Variants in ANKS1B observed in about 807,000 individuals in gnomAD.
The protein encoded by ANKS1B is ankyrin repeat and sterile alpha motif domain-containing protein 1B.
A neutral mutation model predicts 148.3 loss-of-function variants in ANKS1B; 36 were observed. That is an observed-to-expected ratio of 0.24 (90% CI 0.19 to 0.32). ANKS1B has a LOEUF of 0.32. Among genes scored for constraint, ANKS1B ranks in the 10% least tolerant of loss-of-function variants. ANKS1B has a pLI of 1.00. For synonymous variants in ANKS1B, 542 were observed against 560.8 expected (o/e 0.97, Z 0.47); for missense variants, 1,157 against 1,542.6 (o/e 0.75, Z 4.19).
At chr12:98,769,165 C>CATTTTTTTTT (rs2098532290) in intron 25 of ANKS1B, among the ~76,000 whole-genome samples, 1 of 41,216 alleles carries the variant, frequency 2.4e-5, no homozygotes, top group Non-Finnish European at 4.4e-5. Flanking sequence ...GTCTTCTTTA[C>CATTTTTTTTT]TTTTTTTTTT....
intron 8 of ANKS1B, among the ~76,000 whole-genome samples, chr12:99,735,622 A>G (rs1192658844): frequency 6.6e-6 from 1 of 152,060 alleles, no homozygotes; most frequent in Non-Finnish European, 1.5e-5. Context: ...TGTAATAAAA[A>G]GCCTCCCAAC....
rs1295581790 is a variant in ANKS1B, at chr12:99,655,176, T to A, written c.1163A>T (p.Glu388Val). The A allele has an allele frequency of 6.2e-7, 1 of 1,611,872 alleles. No homozygotes were observed. The highest frequency in any genetic ancestry group is 8.5e-7 in the Non-Finnish European group (1 of 1,178,696). ...TSSTINLSPG[E>V]VEEEDDDENT... is the part of the protein sequence containing the mutation. ...TTCATCATCATCCTCTTCTTCCACT[T>A]CTCCTGGTGACAAATTGATTGTAGA... The change falls in exon 9 of 27, where the codon GAA becomes GTA. Residue 388 changes from glutamate to valine, a missense_variant. Coordinates refer to ENST00000683438, the MANE Select transcript of ANKS1B (RefSeq NM_001352186.2).
intron 12 of ANKS1B, among the ~76,000 whole-genome samples, chr12:99,337,680 T>A (rs1004999408): frequency 3.9e-5 from 6 of 152,156 alleles, no homozygotes; most frequent in Admixed American, 2.0e-4. Flanking sequence ...AGTAATGTAA[T>A]TTAAGACTTT....
At chr12:99,846,865 C>A (rs571660467) in intron 1 of ANKS1B, among the ~76,000 whole-genome samples, 2 of 152,024 alleles carry the variant, frequency 1.3e-5, no homozygotes, top group African/African-American at 4.8e-5. Flanking sequence ...TCACATTTTG[C>A]GGAATGCAGT....
intron 17 of ANKS1B, among the ~76,000 whole-genome samples, chr12:98,898,085 G>T (rs919599733): frequency 5.3e-5 from 8 of 152,070 alleles, no homozygotes; most frequent in African/African-American, 1.9e-4. Context: ...GACTGAAACT[G>T]AAAAATTACC....
chr12:98,982,471 C>T (rs2099912725), intron 17 of ANKS1B, among the ~76,000 whole-genome samples: 1 of 152,142 alleles, frequency 6.6e-6, no homozygotes, highest in Admixed American at 6.5e-5. Context: ...CCCTCCTGAT[C>T]CCTTCCCTCC....
rs548025914 is a variant in ANKS1B, at chr12:99,488,273, A to T, written c.1438+16203T>A. Among the ~76,000 whole-genome samples, 21 of 152,258 alleles carry T rather than the reference A, an allele frequency of 1.4e-4. No individual in the cohort carries two copies. The South Asian group carries it at 3.7e-3, about 27-fold the overall frequency. On this transcript the variant is annotated intron_variant, in intron 10 of 26. Coordinates refer to ENST00000683438, the MANE Select transcript of ANKS1B (RefSeq NM_001352186.2). ...AAAAGCATATAGCAAGAATTTTAAA[A>T]ATTGCATGCAATATAATCTCTTTGT...
intron 15 of ANKS1B, among the ~76,000 whole-genome samples, chr12:99,127,239 T>C (rs1017556440): frequency 2.0e-5 from 3 of 152,170 alleles, no homozygotes; most frequent in Admixed American, 2.0e-4. Context: ...GGACCTGCCC[T>C]GGAGATGCTC....
At chr12:98,956,101 G>A (rs1035541909) in intron 17 of ANKS1B, among the ~76,000 whole-genome samples, 15 of 152,128 alleles carry the variant, frequency 9.9e-5, no homozygotes, top group Admixed American at 7.9e-4. Flanking sequence ...AAAATGGAAC[G>A]CACTCTCTTT....
intron 25 of ANKS1B, among the ~76,000 whole-genome samples, chr12:98,771,472 AG>A (rs2098570199): frequency 6.6e-6 from 1 of 151,814 alleles, no homozygotes. Context: ...CCTGGCCAAG[AG>A]TAACTTTTTT....
At chr12:99,381,507 T>G (rs995249040) in intron 12 of ANKS1B, among the ~76,000 whole-genome samples, 2 of 152,104 alleles carry the variant, frequency 1.3e-5, no homozygotes, top group African/African-American at 4.8e-5. Context: ...AAAGGGAGAC[T>G]GGAGAGGTAG....
At chr12:99,234,681 T>A (rs1029645424) in intron 14 of ANKS1B, among the ~76,000 whole-genome samples, 1 of 152,066 alleles carries the variant, frequency 6.6e-6, no homozygotes, top group Admixed American at 6.6e-5. Flanking sequence ...CTCATTTCTG[T>A]CAATGGGGAA....
chr12:98,909,609 T>C (rs2099783991), intron 17 of ANKS1B, among the ~76,000 whole-genome samples: 1 of 152,148 alleles, frequency 6.6e-6, no homozygotes, highest in African/African-American at 2.4e-5. Context: ...TAAGCATTCC[T>C]GGGGAACAAA....
At chr12:99,553,980 T>TG (rs1356267035) in intron 9 of ANKS1B, among the ~76,000 whole-genome samples, 1 of 152,100 alleles carries the variant, frequency 6.6e-6, no homozygotes, top group Non-Finnish European at 1.5e-5. Context: ...TTTTTTATGG[T>TG]GGGGTCACAA....
intron 12 of ANKS1B, among the ~76,000 whole-genome samples, chr12:99,284,210 T>G (rs1415083119): frequency 6.6e-6 from 1 of 152,192 alleles, no homozygotes. Flanking sequence ...TTCAAGTTCT[T>G]ATCCCTCCTC....
chr12:99,319,264 A>C (rs532410716), intron 12 of ANKS1B, among the ~76,000 whole-genome samples: 15 of 152,242 alleles, frequency 9.9e-5, no homozygotes, highest in African/African-American at 3.1e-4. Flanking sequence ...TCTAATGTTG[A>C]CAGTGGGGGG....
In ANKS1B at chr12:98,963,328, C is replaced by A. The variant is rs543228045; in HGVS notation, c.2778+89829G>T. 2.0e-5 allele frequency among the ~76,000 whole-genome samples: 3 copies of A among 151,902 alleles called. No individual in the cohort carries two copies. The South Asian group carries it at 6.3e-4, about 32-fold the overall frequency. On this transcript the variant is annotated intron_variant, in intron 17 of 26. Coordinates refer to ENST00000683438, the MANE Select transcript of ANKS1B (RefSeq NM_001352186.2). ...CTGGGTAACTGGGATTACAGGTGTG[C>A]CAACATGCCTGGCTAATTTTTGTAT...
chr12:99,069,075 C>A (rs920130044), intron 16 of ANKS1B, among the ~76,000 whole-genome samples: 1 of 152,206 alleles, frequency 6.6e-6, no homozygotes, highest in Non-Finnish European at 1.5e-5. Context: ...CTGGACTTAG[C>A]ATAGAGCTGA....
intron 12 of ANKS1B, among the ~76,000 whole-genome samples, chr12:99,316,284 C>T (rs531529432): frequency 7.2e-5 from 11 of 152,298 alleles, no homozygotes; most frequent in South Asian, 6.2e-4. Context: ...TACAGTCCCA[C>T]CAACAGTGTG....
Sources: gnomAD v4.1 joint callset for allele counts (sites outside exome capture counted in the v4.1 genomes callset) on GRCh38, gnomAD v4.1.1 for gene constraint, MANE v1.5 for transcripts, NCBI Gene and HGNC (gene_info 2026-07-23, HGNC 2026-07-21) for gene names.